The following CCDC158 variants were observed in gnomAD, a reference collection of about 807,000 sequenced individuals.
CCDC158 encodes the protein coiled-coil domain-containing protein 158.
In CCDC158, 116 loss-of-function variants were observed where a neutral mutation model predicts 138.6. That is an observed-to-expected ratio of 0.84 (90% CI 0.72 to 0.98). The LOEUF (loss-of-function observed/expected upper bound fraction) is 0.98, where lower values mean the gene tolerates loss of function less well. CCDC158 is among the 50% of genes least tolerant of loss of function. The pLI is 0.00. For missense variants in CCDC158, 1,265 were observed against 1,306.1 expected, an observed-to-expected ratio of 0.97 and a Z score of 0.48; for synonymous variants, 436 against 442.4, an observed-to-expected ratio of 0.99 and a Z score of 0.18.
chr4:76,367,186 C>T (rs762216765), intron 12 of CCDC158, 108 bp downstream of exon 12: 125 of 1,222,084 alleles, frequency 1.0e-4, no homozygotes, highest in Non-Finnish European at 1.3e-4. Context: ...CAAACACCTT[C>T]CAACAGTTTC....
intron 1 of CCDC158, among the ~76,000 whole-genome samples, chr4:76,413,213 C>A (rs1367017428): frequency 6.6e-6 from 1 of 151,672 alleles, no homozygotes; most frequent in African/African-American, 2.4e-5. Flanking sequence ...AATGAATGAG[C>A]CTGTAATCCC....
At chr4:76,366,393 T>C (rs1320048157) in intron 12 of CCDC158, among the ~76,000 whole-genome samples, 2 of 152,224 alleles carry the variant, frequency 1.3e-5, no homozygotes, top group Non-Finnish European at 2.9e-5. Context: ...CTACAGTATA[T>C]GTGATTTGTC....
intron 23 of CCDC158, among the ~76,000 whole-genome samples, 174 bp downstream of exon 23, chr4:76,325,683 G>A (rs547314580): frequency 2.1e-4 from 32 of 152,284 alleles, no homozygotes; most frequent in African/African-American, 7.5e-4. Context: ...ACTAAGGCTT[G>A]CATGGTACAC....
chr4:76,412,693 G>A (rs1038771290), intron 1 of CCDC158, among the ~76,000 whole-genome samples: 2 of 152,200 alleles, frequency 1.3e-5, no homozygotes, highest in African/African-American at 4.8e-5. Flanking sequence ...AGATATTGCA[G>A]TGAGCCGAGA....
At chr4:76,381,800 G>A (rs979487099) in intron 8 of CCDC158, among the ~76,000 whole-genome samples, 7 of 152,130 alleles carry the variant, frequency 4.6e-5, no homozygotes, top group African/African-American at 1.7e-4. Context: ...TCCTGCCTCA[G>A]CCTCCTGAGT....
chr4:76,352,924 G>A (rs1163489303), intron 16 of CCDC158, 199 bp downstream of exon 16: 7 of 441,788 alleles, frequency 1.6e-5, no homozygotes, highest in African/African-American at 1.4e-4. Context: ...TTGGCAAAAA[G>A]TATGCATTAT....
At position 76,362,121 on chromosome 4, in the gene CCDC158, C is replaced by G. The variant is rs750608810; in HGVS notation, c.2020+5G>C. ...TTTAGTAGGATTTGTGCTGAAGCAA[C>G]ATACCTGAAAGATTGTTTAATTCAC... On this transcript the variant is annotated splice_donor_5th_base_variant and intron_variant, in intron 13 of 24. Transcript: ENST00000682701. The G allele has an allele frequency of 5.0e-6, 8 of 1,611,514 alleles. No individual in the cohort carries two copies. The African/African-American group carries it at 9.3e-5, about 19-fold the overall frequency.
At chr4:76,317,974 A>G (rs1264845498) in intron 24 of CCDC158, among the ~76,000 whole-genome samples, 1 of 152,152 alleles carries the variant, frequency 6.6e-6, no homozygotes, top group Non-Finnish European at 1.5e-5. Flanking sequence ...AACTAGTGAC[A>G]CAATTTATCA....
chr4:76,315,571 G>A (rs1465881419), intron 24 of CCDC158, among the ~76,000 whole-genome samples: 2 of 152,204 alleles, frequency 1.3e-5, no homozygotes, highest in Admixed American at 6.5e-5. Flanking sequence ...GAAGAAAACA[G>A]CAGCTAATTC....
At position 76,367,557 on chromosome 4, in the gene CCDC158, G is replaced by A. The variant is rs751388397; in HGVS notation, c.1567C>T (p.Arg523Cys). 18 of 1,614,052 alleles carry A rather than the reference G, an allele frequency of 1.1e-5. No homozygotes were observed. The highest frequency in any genetic ancestry group is 2.7e-5 in the African/African-American group (2 of 74,928). Residue 523 changes from arginine to cysteine, a missense_variant, in exon 12 of 25, where the codon CGC becomes TGC. Transcript: ENST00000682701. ...TGCAATTTCAAGTCCACCCGGGAGC[G>A]GAGCTTTGTGATCTCTGCATTGGTA... is the stretch of plus-strand genomic sequence containing the variant. ...EATNAEITKL[R>C]SRVDLKLQEL...
chr4:76,342,054 C>T (rs549389142), intron 18 of CCDC158, among the ~76,000 whole-genome samples: 10 of 151,976 alleles, frequency 6.6e-5, no homozygotes, highest in African/African-American at 1.2e-4. Flanking sequence ...TAAGTCCTGC[C>T]GAAATTATTA....
chr4:76,338,263 GC>G (rs1174419481), intron 18 of CCDC158, among the ~76,000 whole-genome samples: 1 of 152,198 alleles, frequency 6.6e-6, no homozygotes, highest in Non-Finnish European at 1.5e-5. Context: ...TGTAATCCCA[GC>G]ACTTTAGGAG....
chr4:76,360,373 C>T, intron 13 of CCDC158, among the ~76,000 whole-genome samples: 1 of 152,200 alleles, frequency 6.6e-6, no homozygotes, highest in East Asian at 1.9e-4. Flanking sequence ...CCCAGTGGAG[C>T]TGTGAGAAGA....
intron 13 of CCDC158, among the ~76,000 whole-genome samples, chr4:76,361,021 G>A (rs1724078432): frequency 6.6e-6 from 1 of 152,156 alleles, no homozygotes; most frequent in Non-Finnish European, 1.5e-5. Context: ...ACTGGATCAT[G>A]GGGGCGGATT....
chr4:76,390,667 C>G (rs957422341), intron 4 of CCDC158, among the ~76,000 whole-genome samples: 2 of 151,928 alleles, frequency 1.3e-5, no homozygotes, highest in Non-Finnish European at 2.9e-5. Context: ...ACTAAATTGT[C>G]TAATCAAAAG....
rs914320292 is a variant in CCDC158, at chr4:76,325,930, T to G, written c.3096A>C (p.Ser1032=). The G allele has an allele frequency of 3.1e-6, 5 of 1,613,590 alleles. No homozygotes were observed. In the African/African-American group the frequency reaches 4.0e-5, roughly 13 times the overall value. ...KSPVHSLLTS[S]VEGSIGSTSQ... ...ATGTGGAACCTATTGAACCTTCAAC[T>G]GAACTAGTTAGGAGTGAGTGCACTG... The change falls in exon 23 of 25, where the codon TCA becomes TCC. Residue 1032 remains serine, a synonymous_variant. Coordinates refer to ENST00000682701, the MANE Select transcript of CCDC158 (RefSeq NM_001394954.1).
At chr4:76,352,558 A>T (rs558347386) in intron 16 of CCDC158, 1 of 152,364 alleles carries the variant, frequency 6.6e-6, no homozygotes, top group East Asian at 1.9e-4. Flanking sequence ...TTAGCAATCA[A>T]GGATGGTTTT....
At chr4:76,322,992 A>C (rs1720172858) in intron 24 of CCDC158, among the ~76,000 whole-genome samples, 1 of 152,202 alleles carries the variant, frequency 6.6e-6, no homozygotes, top group Non-Finnish European at 1.5e-5. Context: ...AATAGCAACA[A>C]GAAAGACGGT....
At chr4:76,371,608 G>A (rs1725247592) in intron 9 of CCDC158, 72 bp from the exon 10 acceptor site, 4 of 1,529,140 alleles carry the variant, frequency 2.6e-6, no homozygotes, top group Admixed American at 1.8e-5. Flanking sequence ...ATAGACTTTG[G>A]AAAACAAATG....
Sources: gnomAD v4.1 joint callset for allele counts (sites outside exome capture counted in the v4.1 genomes callset) on GRCh38, gnomAD v4.1.1 for gene constraint, MANE v1.5 for transcripts, NCBI Gene and HGNC (gene_info 2026-07-23, HGNC 2026-07-21) for gene names.